DOCK10: variants seen among roughly 807,000 people sequenced by gnomAD.
The protein encoded by DOCK10 is dedicator of cytokinesis 10.
Under a neutral mutation model 280.1 loss-of-function variants are expected in DOCK10, and 145 were observed. The ratio of observed to expected loss-of-function variants is 0.52; its 90% confidence interval spans 0.45 to 0.59. The LOEUF is 0.59. DOCK10 is among the 20% of genes least tolerant of loss of function. DOCK10 has a pLI of 0.00. For synonymous variants in DOCK10, 915 were observed against 942.2 expected (o/e 0.97, Z 0.53); for missense variants, 2,368 against 2,651.7 (o/e 0.89, Z 2.35).
chr2:224,904,938 T>C (rs1357658872), intron 3 of DOCK10, among the ~76,000 whole-genome samples: 1 of 152,216 alleles, frequency 6.6e-6, no homozygotes, highest in Non-Finnish European at 1.5e-5. Context: ...CAGTTAAAAA[T>C]GAGCAGCATG....
Position 224,805,228 on chromosome 2 carries a change from G to A in DOCK10, c.4029C>T (p.His1343=). ...TACCGTACGAAATCGTTTTCATAAT[G>A]TGAAGAAAACACATCAGGAGACTCC... The part of the protein sequence containing the change: ...ETRSLLMCFL[H]IMKTISYETL... Residue 1343 remains histidine, a synonymous_variant, in exon 36 of 56, where the codon CAC becomes CAT. Coordinates refer to ENST00000258390, the MANE Select transcript of DOCK10 (RefSeq NM_014689.3). The surrounding 1 kb of genome is among the most constrained non-coding windows in gnomAD (Gnocchi z 4.3). 4 of 1,610,992 alleles carry A rather than the reference G, an allele frequency of 2.5e-6. No homozygotes were observed. Among genetic ancestry groups the A allele is most frequent in the Non-Finnish European group, 3.4e-6 (4 of 1,178,710 alleles).
intron 3 of DOCK10, among the ~76,000 whole-genome samples, chr2:224,897,540 C>A (rs1700056402): frequency 6.6e-6 from 1 of 152,008 alleles, no homozygotes; most frequent in African/African-American, 2.4e-5. Context: ...ATTAGCCATC[C>A]CCACCTCCCC....
chr2:224,781,656 G>C (rs1326795017), intron 50 of DOCK10, among the ~76,000 whole-genome samples: 1 of 152,198 alleles, frequency 6.6e-6, no homozygotes. Context: ...AATGGGAAAT[G>C]TGATCTCTGC....
chr2:224,911,716 T>C (rs1397607868), intron 3 of DOCK10, among the ~76,000 whole-genome samples: 1 of 152,160 alleles, frequency 6.6e-6, no homozygotes, highest in Non-Finnish European at 1.5e-5. Context: ...GGAACATTTG[T>C]TCATGTGAGA....
chr2:224,828,002 T>C (rs535148528), intron 27 of DOCK10, among the ~76,000 whole-genome samples: 3 of 152,238 alleles, frequency 2.0e-5, no homozygotes, highest in Non-Finnish European at 4.4e-5. Context: ...CCCTATTAAG[T>C]GTCAGCACTC....
At chr2:224,920,547 GGGAT>G (rs977066636) in intron 2 of DOCK10, among the ~76,000 whole-genome samples, 69 of 151,408 alleles carry the variant, frequency 4.6e-4, no homozygotes, top group African/African-American at 1.7e-3. Flanking sequence ...TAAATGATCT[GGGAT>G]GCCTTTGTTT....
At chr2:224,903,286 C>G (rs538054570) in intron 3 of DOCK10, among the ~76,000 whole-genome samples, 7 of 152,278 alleles carry the variant, frequency 4.6e-5, no homozygotes, top group African/African-American at 1.4e-4. Flanking sequence ...AAAAATACTA[C>G]TTGATATAAG....
At position 224,850,371 on chromosome 2, in the gene DOCK10, T is replaced by C. The variant is rs74487671; in HGVS notation, c.2143-772A>G. On this transcript the variant is annotated intron_variant, in intron 18 of 55. Transcript: ENST00000258390. ...AATACACTGTTGAAGAAGTTATGAA[T>C]TGAACAATTATGAGGGTCTGAAATT... 3.0e-4 allele frequency among the ~76,000 whole-genome samples: 46 copies of C among 152,192 alleles called. 1 individual carries two copies. The East Asian group carries it at 8.5e-3, about 28-fold the overall frequency.
In DOCK10 at chr2:224,834,117, C is replaced by T. The variant is rs769283379; in HGVS notation, c.2964+33G>A. On this transcript the variant is annotated intron_variant, in intron 26 of 55. Coordinates refer to ENST00000258390, the MANE Select transcript of DOCK10 (RefSeq NM_014689.3). ...GAGTAAGCGTGACCCATGCCTAGTACTCACAGTTAAAGGACCATCTTTAAA... is the reference window on the plus strand; with the variant it reads ...GAGTAAGCGTGACCCATGCCTAGTATTCACAGTTAAAGGACCATCTTTAAA... 7.7e-6 allele frequency: 10 copies of T among 1,300,692 alleles called. No individual in the cohort carries two copies. The East Asian group carries it at 2.3e-4, about 30-fold the overall frequency. 80.6% of individuals were successfully genotyped at this position (1,300,692 alleles called of 1,614,324 possible). A position where few individuals can be genotyped will look rare whatever the true frequency, so the allele number is the denominator to read the frequency against.
rs141656225 is a variant in DOCK10, at chr2:225,030,615, G to C, written c.123+11637C>G. 4.4e-3 allele frequency among the ~76,000 whole-genome samples: 675 copies of C among 152,236 alleles called. 17 individuals carry two copies. The highest frequency in any genetic ancestry group is 0.041 in the Admixed American group (629 of 15,298). ...CGAGGACAGGGGCTGGTGTTGGATTGGTGATCACACCTGCTTAGCTGAATC... is the reference window on the plus strand; with the variant it reads ...CGAGGACAGGGGCTGGTGTTGGATTCGTGATCACACCTGCTTAGCTGAATC... On this transcript the variant is annotated intron_variant, in intron 1 of 55. Transcript: ENST00000258390.
At chr2:224,939,426 C>G (rs960201045) in intron 1 of DOCK10, among the ~76,000 whole-genome samples, 7 of 152,168 alleles carry the variant, frequency 4.6e-5, no homozygotes, top group African/African-American at 1.4e-4. Flanking sequence ...AAAATTCACA[C>G]ATTTTTGTAT....
At chr2:224,985,640 A>AAAAG (rs1402341054) in intron 1 of DOCK10, among the ~76,000 whole-genome samples, 5 of 151,568 alleles carry the variant, frequency 3.3e-5, no homozygotes, top group South Asian at 2.1e-4. Flanking sequence ...GAAAAAAAAA[A>AAAAG]AGAGAAAAAC....
At position 224,862,671 on chromosome 2, in the gene DOCK10, C is replaced by T; in HGVS notation, c.1678G>A (p.Ala560Thr). 6.2e-7 allele frequency: 1 copy of T among 1,612,848 alleles called. No individual in the cohort carries two copies. The highest frequency in any genetic ancestry group is 8.5e-7 in the Non-Finnish European group (1 of 1,179,166). ...CTGCAACTGTCAACATACCTTACTG[C>T]CCAAGCAAAAGGCATACGGTATTTT... ...LGKYRMPFAW[A>T]VRSVFKDNQG... Residue 560 changes from alanine to threonine, a missense_variant, in exon 14 of 56, where the codon GCA becomes ACA. Coordinates refer to ENST00000258390, the MANE Select transcript of DOCK10 (RefSeq NM_014689.3).
intron 23 of DOCK10, 200 bp from the exon 24 acceptor site, chr2:224,840,272 AAGG>A (rs1254088229): frequency 2.2e-6 from 1 of 461,448 alleles, no homozygotes; most frequent in Admixed American, 3.5e-5. Flanking sequence ...ATCAAACTAA[AAGG>A]TTTCAGCACA....
At chr2:224,854,184 T>C (rs1054308543) in intron 16 of DOCK10, among the ~76,000 whole-genome samples, 1 of 152,110 alleles carries the variant, frequency 6.6e-6, no homozygotes, top group South Asian at 2.1e-4. Flanking sequence ...GCAATAGTCC[T>C]TTCCCTGTTT....
intron 1 of DOCK10, among the ~76,000 whole-genome samples, chr2:224,944,510 C>G (rs1203330085): frequency 6.6e-6 from 1 of 152,176 alleles, no homozygotes; most frequent in Admixed American, 6.5e-5. Context: ...AAACTGAATT[C>G]TAATAAGCAA....
chr2:224,968,899 A>G (rs1044352998), intron 1 of DOCK10, among the ~76,000 whole-genome samples: 1 of 152,236 alleles, frequency 6.6e-6, no homozygotes, highest in Non-Finnish European at 1.5e-5. Flanking sequence ...TAACTCAAAC[A>G]GAGCCACAGA....
chr2:224,795,335 C>T lies in DOCK10; in HGVS notation c.4939-241G>A, dbSNP rs79352747. The stretch of plus-strand genomic sequence containing the variant: ...TCAAGAACACCTTCTTCTGGTGAAA[C>T]GTCCTGATTGTCTTTGAGATATATT... On this transcript the variant is annotated intron_variant, in intron 44 of 55. Transcript: ENST00000258390. 8.4e-3 allele frequency among the ~76,000 whole-genome samples: 1,283 copies of T among 152,294 alleles called. 21 individuals carry two copies. Among genetic ancestry groups the T allele is most frequent in the African/African-American group, 0.029 (1,191 of 41,544 alleles).
intron 3 of DOCK10, among the ~76,000 whole-genome samples, chr2:224,915,108 T>G (rs1409756008): frequency 6.6e-6 from 1 of 152,218 alleles, no homozygotes; most frequent in Non-Finnish European, 1.5e-5. Context: ...TTCTGAAGAA[T>G]GCACAAGACC....
Sources: allele counts gnomAD v4.1 joint callset (sites outside exome capture counted in the v4.1 genomes callset), GRCh38; gene constraint gnomAD v4.1.1; non-coding constraint Gnocchi (gnomAD v3.1); transcripts MANE v1.5; gene names NCBI Gene and HGNC (gene_info 2026-07-23, HGNC 2026-07-21).